ADAMTS9: variants seen among roughly 807,000 people sequenced by gnomAD.
ADAMTS9 encodes ADAM metallopeptidase with thrombospondin type 1 motif 9, also known as A disintegrin and metalloproteinase with thrombospondin motifs 9.
Under a neutral mutation model 257.1 loss-of-function variants are expected in ADAMTS9, and 107 were observed. That is an observed-to-expected ratio of 0.42 (90% CI 0.36 to 0.49). ADAMTS9 has a LOEUF of 0.49. Ranked by LOEUF, ADAMTS9 falls within the 20% of genes least tolerant of loss-of-function variation. The pLI is 0.03. For synonymous variants in ADAMTS9, 982 were observed against 880.9 expected (o/e 1.11, Z -2.03); for missense variants, 2,353 against 2,469.1 (o/e 0.95, Z 1.00).
rs889718493 is a variant in ADAMTS9 at position 64,687,431 on chromosome 3, T to C, written c.115+112A>G. The C allele has an allele frequency of 2.4e-5, 21 of 888,482 alleles. No individual in the cohort carries two copies. The highest frequency in any genetic ancestry group is 3.1e-5 in the Non-Finnish European group (19 of 604,842). The allele number at this position is 888,482 out of a possible 1,614,324, so 55.0% of individuals were successfully genotyped here. On this transcript the variant is annotated intron_variant, in intron 1 of 39. Coordinates refer to ENST00000498707, the MANE Select transcript of ADAMTS9 (RefSeq NM_182920.2). The surrounding 1 kb of genome is among the most constrained non-coding windows in gnomAD (Gnocchi z 4.4). The stretch of plus-strand genomic sequence containing the variant: ...GGAGAGGCTGCAAAGCGGGAGATAA[T>C]TCTTTCTAGGAAAAGGAGAGAAGCC...
intron 37 of ADAMTS9, among the ~76,000 whole-genome samples, chr3:64,534,337 G>A (rs1559750666): frequency 6.6e-6 from 1 of 152,150 alleles, no homozygotes; most frequent in African/African-American, 2.4e-5. Context: ...ACCGTACAGA[G>A]GACTAAAAGA....
chr3:64,613,031 C>A (rs531434929), intron 22 of ADAMTS9, among the ~76,000 whole-genome samples: 2 of 152,110 alleles, frequency 1.3e-5, no homozygotes, highest in Non-Finnish European at 2.9e-5. Context: ...CACAGAGGCA[C>A]GCTAGAAGAT....
At chr3:64,542,991 T>G (rs2083146965) in intron 32 of ADAMTS9, among the ~76,000 whole-genome samples, 1 of 152,174 alleles carries the variant, frequency 6.6e-6, no homozygotes, top group Non-Finnish European at 1.5e-5. Context: ...TAAACACCTC[T>G]ATGCAAATAA....
At chr3:64,543,351 C>A (rs562004615) in intron 32 of ADAMTS9, among the ~76,000 whole-genome samples, 1 of 152,122 alleles carries the variant, frequency 6.6e-6, no homozygotes. Flanking sequence ...TGATGAACAT[C>A]GATGCAAAAA....
At chr3:64,532,411 C>T (rs1390697484) in intron 38 of ADAMTS9, among the ~76,000 whole-genome samples, 5 of 152,268 alleles carry the variant, frequency 3.3e-5, no homozygotes, top group Admixed American at 1.3e-4. Flanking sequence ...ACGGCTGTAT[C>T]GGTACCTGAA....
intron 28 of ADAMTS9, among the ~76,000 whole-genome samples, chr3:64,570,208 T>G (rs1157142296): frequency 6.6e-6 from 1 of 152,202 alleles, no homozygotes; most frequent in African/African-American, 2.4e-5. Flanking sequence ...ACTAGAAATG[T>G]AGCGATAAAC....
At chr3:64,546,321 C>T (rs2106921953) in intron 32 of ADAMTS9, among the ~76,000 whole-genome samples, 1 of 152,082 alleles carries the variant, frequency 6.6e-6, no homozygotes, top group South Asian at 2.1e-4. Context: ...ACTCAAGATG[C>T]TCCAAGGAAC....
rs1701905317 is a variant in ADAMTS9, at chr3:64,686,315, T to G, written c.516+253A>C. On this transcript the variant is annotated intron_variant, in intron 2 of 39. Coordinates refer to ENST00000498707, the MANE Select transcript of ADAMTS9 (RefSeq NM_182920.2). The surrounding 1 kb of genome is among the most constrained non-coding windows in gnomAD (Gnocchi z 4.6). ...CTCGCAGCGTTGGGCAACGCGCCGC[T>G]GAACCGAGTCCAAACTCCAGAAAGC... is the stretch of plus-strand genomic sequence containing the variant. Among the ~76,000 whole-genome samples the G allele has an allele frequency of 6.6e-6, 1 of 152,250 alleles. No homozygotes were observed. The highest frequency in any genetic ancestry group is 2.4e-5 in the African/African-American group (1 of 41,480).
intron 3 of ADAMTS9, among the ~76,000 whole-genome samples, chr3:64,671,159 G>T (rs976539086): frequency 6.6e-6 from 1 of 152,126 alleles, no homozygotes; most frequent in Non-Finnish European, 1.5e-5. Flanking sequence ...TTAAAGAAAT[G>T]GTGATATATC....
At chr3:64,685,902 A>G (rs1701891990) in intron 2 of ADAMTS9, among the ~76,000 whole-genome samples, 1 of 151,242 alleles carries the variant, frequency 6.6e-6, no homozygotes, top group South Asian at 2.1e-4. Context: ...CTGCACCCCC[A>G]CTCTCGGTTC....
chr3:64,625,039 A>G (rs1174114195), intron 16 of ADAMTS9, among the ~76,000 whole-genome samples: 2 of 152,168 alleles, frequency 1.3e-5, no homozygotes, highest in Non-Finnish European at 2.9e-5. Flanking sequence ...AATTTGTGCA[A>G]GAGTAGCAAA....
intron 31 of ADAMTS9, among the ~76,000 whole-genome samples, chr3:64,547,930 A>C (rs1451217037): frequency 2.0e-5 from 3 of 152,020 alleles, no homozygotes; most frequent in African/African-American, 7.3e-5. Context: ...TGATATTTTT[A>C]GGCAACAGCA....
chr3:64,619,554 T>C (rs907550594), intron 19 of ADAMTS9, among the ~76,000 whole-genome samples: 1 of 152,148 alleles, frequency 6.6e-6, no homozygotes, highest in Non-Finnish European at 1.5e-5. Context: ...AATAATAATA[T>C]ATAAATCATA....
At chr3:64,561,514 G>A in intron 30 of ADAMTS9, 64 bp downstream of exon 30, 1 of 1,540,422 alleles carries the variant, frequency 6.5e-7, no homozygotes, top group Non-Finnish European at 8.8e-7. Context: ...GGGAACAGAT[G>A]TGAGGATAGC....
chr3:64,603,989 C>G lies in ADAMTS9; in HGVS notation c.3680G>C (p.Arg1227Thr). 1 of 1,614,052 alleles carries G rather than the reference C, an allele frequency of 6.2e-7. No homozygotes were observed. Among genetic ancestry groups the G allele is most frequent in the South Asian group, 1.1e-5 (1 of 91,076 alleles). Residue 1227 changes from arginine (R) to threonine (T), a missense_variant, in exon 25 of 40, where the codon AGA (arginine) becomes ACA (threonine). Arg to Thr is a moderately conservative substitution (Grantham distance 71, BLOSUM62 -1). Around this residue, in one of 3 missense-constraint regions of ADAMTS9, gnomAD observed 1,402 missense variants for 1,441.4 expected, o/e 0.97. Coordinates refer to ENST00000498707, the MANE Select transcript of ADAMTS9 (RefSeq NM_182920.2). Reference protein sequence around the residue: ...ADESACATLPRPVAKEECSVT... With the variant: ...ADESACATLPTPVAKEECSVT... ...AGAACATTCTTCCTTTGCCACTGGT[C>G]TAGGCAGGGTAGCACAGGCACTCTC...
chr3:64,641,878 T>C lies in ADAMTS9; in HGVS notation c.1826A>G (p.Lys609Arg). 1 of 1,614,174 alleles carries C rather than the reference T, an allele frequency of 6.2e-7. No homozygotes were observed. ...TCTGTTGCACTCTCGAATGGCTGTT[T>C]TGATGCCCCCTCCACATGTTCTGGA... ...TCSRTCGGGI[K>R]TAIRECNRPE... The change falls in exon 12 of 40, where the codon AAA (lysine) becomes AGA (arginine). Residue 609 changes from lysine (K) to arginine (R), a missense_variant. Coordinates refer to ENST00000498707, the MANE Select transcript of ADAMTS9 (RefSeq NM_182920.2).
At chr3:64,578,748 T>G (rs2083920908) in intron 28 of ADAMTS9, among the ~76,000 whole-genome samples, 1 of 152,192 alleles carries the variant, frequency 6.6e-6, no homozygotes, top group African/African-American at 2.4e-5. Context: ...ATCCTTTCAC[T>G]TGTCCAGTCC....
chr3:64,642,317 T>G (rs1405264975), intron 11 of ADAMTS9, among the ~76,000 whole-genome samples: 3 of 152,118 alleles, frequency 2.0e-5, no homozygotes, highest in Non-Finnish European at 4.4e-5. Flanking sequence ...GGAAGGGTGG[T>G]TATAGACAGG....
chr3:64,643,115 A>T (rs1409392502), intron 11 of ADAMTS9, among the ~76,000 whole-genome samples: 3 of 152,198 alleles, frequency 2.0e-5, no homozygotes, highest in African/African-American at 7.2e-5. Flanking sequence ...GATGTTCTGC[A>T]TCTGAACCCT....
Sources: gnomAD v4.1 joint callset for allele counts (sites outside exome capture counted in the v4.1 genomes callset) on GRCh38, gnomAD v4.1.1 for gene constraint, gnomAD v4.1.1 regional missense constraint, Gnocchi (gnomAD v3.1) non-coding constraint, MANE v1.5 for transcripts, NCBI Gene and HGNC (gene_info 2026-07-23, HGNC 2026-07-21) for gene names.